ITGAD: variants seen among roughly 807,000 people sequenced by gnomAD.
ITGAD encodes the protein integrin subunit alpha D.
A neutral mutation model predicts 139.0 loss-of-function variants in ITGAD; 105 were observed. The ratio of observed to expected loss-of-function variants is 0.76; its 90% confidence interval spans 0.65 to 0.89. The LOEUF is 0.89. Among genes scored for constraint, ITGAD ranks in the 40% least tolerant of loss-of-function variants. The pLI is 0.00. For missense variants in ITGAD, 1,384 were observed against 1,487.3 expected (o/e 0.93, Z 1.14); for synonymous variants, 569 against 598.3 (o/e 0.95, Z 0.71).
rs369919037 is a variant in ITGAD at position 31,426,041 on chromosome 16, G to T, written c.3399G>T (p.Lys1133Asn). The change falls in exon 30 of 30, where the codon AAG (lysine) becomes AAT (asparagine). Residue 1133 changes from lysine to asparagine, a missense_variant. By Grantham distance (94) the Lys-to-Asn change is moderately conservative. Transcript: ENST00000389202. ...YKLGFFKRHY[K>N]EMLEDKPEDT... ...TTGGCTTCTTCAAACGCCACTACAA[G>T]GAAATGCTGGAGGACAAGCCTGAAG... is the stretch of plus-strand genomic sequence containing the variant. The T allele has an allele frequency of 6.2e-7, 1 of 1,613,966 alleles. No individual in the cohort carries two copies.
intron 2 of ITGAD, among the ~76,000 whole-genome samples, chr16:31,396,950 G>T (rs2081277135): frequency 6.6e-6 from 1 of 151,166 alleles, no homozygotes; most frequent in Non-Finnish European, 1.5e-5. Flanking sequence ...TCAGGAAATT[G>T]TTCCAATTAA....
chr16:31,400,172 C>CA (rs2081368103), intron 5 of ITGAD, among the ~76,000 whole-genome samples: 1 of 152,038 alleles, frequency 6.6e-6, no homozygotes. Context: ...CAGATGTGGG[C>CA]AAAAAACGGG....
chr16:31,423,956 G>A lies in ITGAD; in HGVS notation c.3157G>A (p.Glu1053Lys), dbSNP rs144344450. 3.2e-5 allele frequency: 52 copies of A among 1,613,988 alleles called. No homozygotes were observed. Among genetic ancestry groups the A allele is most frequent in the Admixed American group, 5.0e-5 (3 of 59,994 alleles). The change falls in exon 27 of 30, where the codon GAG becomes AAG. Residue 1053 changes from glutamate (E) to lysine (K), a missense_variant and splice_region_variant. Coordinates refer to ENST00000389202, the MANE Select transcript of ITGAD (RefSeq NM_005353.3). Reference protein sequence around the residue: ...KGNLSFGWVRETLQKKVLVVS... With the variant: ...KGNLSFGWVRKTLQKKVLVVS... ...CAATCTCAGTTTCGGCTGGGTCCGC[G>A]AGGTGTGTGGGGGCAGCGGCAGAGC...
Position 31,416,622 on chromosome 16 carries a change from G to A in ITGAD, c.2475G>A (p.Ser825=), listed in dbSNP as rs200642340. 2.4e-5 allele frequency: 39 copies of A among 1,610,814 alleles called. No individual in the cohort carries two copies. Among genetic ancestry groups the A allele is most frequent in the South Asian group, 4.4e-5 (4 of 90,988 alleles). The change falls in exon 20 of 30, where the codon TCG becomes TCA. Residue 825 remains serine (S), a synonymous_variant. Transcript: ENST00000389202. ...VVSLYYPAGL[S]HRRVSGAQKQ... ...GCCTCTACTATCCAGCAGGGCTGTC[G>A]CACCGACGGGTGTCAGGAGCCCAGG...
chr16:31,414,232 TTATC>T (rs1458649130), intron 16 of ITGAD, among the ~76,000 whole-genome samples: 2 of 142,334 alleles, frequency 1.4e-5, no homozygotes, highest in African/African-American at 5.3e-5. Flanking sequence ...TATCATCTAT[TTATC>T]TATTATCTAG....
At chr16:31,415,787 G>C (rs1396561621) in intron 18 of ITGAD, among the ~76,000 whole-genome samples, 1 of 152,184 alleles carries the variant, frequency 6.6e-6, no homozygotes, top group Non-Finnish European at 1.5e-5. Context: ...ACACCAAGGT[G>C]GTGCCACAGC....
chr16:31,411,094 G>A lies in ITGAD; in HGVS notation c.1375G>A (p.Ala459Thr), dbSNP rs754573131. The change falls in exon 13 of 30, where the codon GCC (alanine) becomes ACC (threonine). Residue 459 changes from alanine to threonine, a missense_variant. Ala to Thr is a moderately conservative substitution (Grantham distance 58). Coordinates refer to ENST00000389202, the MANE Select transcript of ITGAD (RefSeq NM_005353.3). ...TGTQIGSYFG[A>T]SLCSVDVDSD... ...CCTCCAGATCGGCTCCTACTTCGGG[G>A]CCTCCCTCTGCTCTGTGGATGTGGA... 6.2e-6 allele frequency: 10 copies of A among 1,612,400 alleles called. No homozygotes were observed. Among genetic ancestry groups the A allele is most frequent in the Non-Finnish European group, 8.5e-6 (10 of 1,179,764 alleles).
chr16:31,414,592 A>C lies in ITGAD; in HGVS notation c.2138A>C (p.Lys713Thr). The C allele has an allele frequency of 6.2e-7, 1 of 1,614,118 alleles. No homozygotes were observed. Among genetic ancestry groups the C allele is most frequent in the Non-Finnish European group, 8.5e-7 (1 of 1,179,966 alleles). The change falls in exon 17 of 30, where the codon AAG becomes ACG. Residue 713 changes from lysine to threonine, a missense_variant. By Grantham distance (78) the Lys-to-Thr change is moderately conservative. Coordinates refer to ENST00000389202, the MANE Select transcript of ITGAD (RefSeq NM_005353.3). ...CTGGGGATTCACTGTGAAACCCTGA[A>C]GCTGCTTTTGCCAGTGAGGACTTTG... ...LGLGIHCETLKLLLPDCVEDV... is the reference protein window; with the variant it reads ...LGLGIHCETLTLLLPDCVEDV...
intron 20 of ITGAD, among the ~76,000 whole-genome samples, chr16:31,417,388 G>T (rs983608278): frequency 2.4e-4 from 37 of 151,596 alleles, no homozygotes; most frequent in African/African-American, 8.2e-4. Context: ...TTGTTTCTGT[G>T]TGTGGGTCTT....
chr16:31,403,349 G>T lies in ITGAD; in HGVS notation c.559-151G>T. ...AAACAAAAAACAAAGCCAGGCATGT[G>T]ACGTGTGCCTGTAGTTCCAGCTACT... On this transcript the variant is annotated intron_variant, in intron 6 of 29. Coordinates refer to ENST00000389202, the MANE Select transcript of ITGAD (RefSeq NM_005353.3). This position sits in a 1 kb window ranked among gnomAD's most constrained non-coding sequence, Gnocchi z 4.4. 1 of 840,136 alleles carries T rather than the reference G, an allele frequency of 1.2e-6. No individual in the cohort carries two copies. Among genetic ancestry groups the T allele is most frequent in the East Asian group, 2.5e-5 (1 of 40,334 alleles). 52.0% of individuals were successfully genotyped at this position (840,136 alleles called of 1,614,324 possible). A position where few individuals can be genotyped will look rare whatever the true frequency, so the allele number is the denominator to read the frequency against.
chr16:31,415,031 A>G lies in ITGAD; in HGVS notation c.2283+40A>G, dbSNP rs182138181. 1.7e-4 allele frequency: 278 copies of G among 1,610,770 alleles called. No homozygotes were observed. The African/African-American group carries it at 3.5e-3, about 20-fold the overall frequency. On this transcript the variant is annotated intron_variant, in intron 18 of 29. Coordinates refer to ENST00000389202, the MANE Select transcript of ITGAD (RefSeq NM_005353.3). The stretch of plus-strand genomic sequence containing the variant: ...GAAGTCCCAGGGATGTGCTGACTTC[A>G]TTTTGTCTCCATGAGCTTAAGAATC...
chr16:31,423,647 TG>T lies in ITGAD; in HGVS notation c.3045+1del, dbSNP rs1200377475. The T allele has an allele frequency of 1.9e-6, 3 of 1,612,944 alleles. 1 individual carries two copies. Among genetic ancestry groups the T allele is most frequent in the Admixed American group, 1.7e-5 (1 of 59,994 alleles). Reference sequence around the variant, plus strand: ...ACCCAGATTTCAAGAAGTCCCATGCTGGTGAGAAAGTCCCTGAACCCCCACC... The same window carrying T: ...ACCCAGATTTCAAGAAGTCCCATGCTGTGAGAAAGTCCCTGAACCCCCACC... ...FLTQISRSPM[L>X]DCSIADCLQF... On this transcript the variant is annotated frameshift_variant and splice_region_variant, in exon 26 of 30. Coordinates refer to ENST00000389202, the MANE Select transcript of ITGAD (RefSeq NM_005353.3). LOFTEE classifies it high-confidence loss of function.
At chr16:31,410,323 G>C in intron 10 of ITGAD, 72 bp from the exon 11 acceptor site, 1 of 1,595,044 alleles carries the variant, frequency 6.3e-7, no homozygotes, top group South Asian at 1.1e-5. Context: ...GATGCGGGTG[G>C]CAGGCGTGTC....
chr16:31,393,874 T>C (rs1347192607), intron 1 of ITGAD, among the ~76,000 whole-genome samples: 1 of 152,154 alleles, frequency 6.6e-6, no homozygotes, highest in Non-Finnish European at 1.5e-5. Context: ...CTCATGCTTA[T>C]AATCCCAGCA....
At chr16:31,398,012 C>T in intron 5 of ITGAD, 103 bp downstream of exon 5, 1 of 810,956 alleles carries the variant, frequency 1.2e-6, no homozygotes. Context: ...CCCTGGAGGG[C>T]CGAGTGTGGC....
intron 29 of ITGAD, 184 bp downstream of exon 29, chr16:31,424,761 C>T (rs1334346102): frequency 6.7e-6 from 3 of 449,254 alleles, no homozygotes; most frequent in East Asian, 3.9e-5. Flanking sequence ...CCATGCCCGG[C>T]TAGTTTTTTG....
rs556002198 is a variant in ITGAD, at chr16:31,424,516, T to A, written c.3311T>A (p.Ile1104Asn). 2.5e-5 allele frequency: 40 copies of A among 1,613,986 alleles called. No individual in the cohort carries two copies. The South Asian group carries it at 4.2e-4, about 17-fold the overall frequency. ...GAGGTCTACAATGCCATTCCCATCA[T>A]CATGGGCAGCTCTGTGGGGGCTCTG... ...EDEVYNAIPI[I>N]MGSSVGALLL... The change falls in exon 29 of 30, where the codon ATC becomes AAC. Residue 1104 changes from isoleucine to asparagine, a missense_variant. By Grantham distance (149) the Ile-to-Asn change is moderately radical (BLOSUM62 -3). Coordinates refer to ENST00000389202, the MANE Select transcript of ITGAD (RefSeq NM_005353.3).
In ITGAD at chr16:31,403,174, T is replaced by G. The variant is rs2081448762; in HGVS notation, c.559-326T>G. 5.6e-6 allele frequency: 1 copy of G among 178,438 alleles called. No homozygotes were observed. The highest frequency in any genetic ancestry group is 1.7e-4 in the South Asian group (1 of 5,916). 11.1% of individuals were successfully genotyped at this position (178,438 alleles called of 1,614,324 possible). A position where few individuals can be genotyped will look rare whatever the true frequency, so the allele number is the denominator to read the frequency against. ...AAAATAATTCCAAAATAAAGTTTAT[T>G]AAAACTGAAAACAATATGGCTTGGT... On this transcript the variant is annotated intron_variant, in intron 6 of 29. Transcript: ENST00000389202. The surrounding 1 kb of genome is among the most constrained non-coding windows in gnomAD (Gnocchi z 4.4).
chr16:31,405,582 A>G (rs1354316263), intron 7 of ITGAD, among the ~76,000 whole-genome samples: 1 of 141,074 alleles, frequency 7.1e-6, no homozygotes, highest in East Asian at 2.1e-4. Context: ...GGCAGAAGCT[A>G]TTTTCATCCT....
Sources: allele counts gnomAD v4.1 joint callset (sites outside exome capture counted in the v4.1 genomes callset), GRCh38; gene constraint gnomAD v4.1.1; non-coding constraint Gnocchi (gnomAD v3.1); transcripts MANE v1.5; gene names NCBI Gene and HGNC (gene_info 2026-07-23, HGNC 2026-07-21).